Variants in SEMA3D observed in about 807,000 individuals in gnomAD.
The protein encoded by SEMA3D is semaphorin 3D, also known as semaphorin-3D.
SEMA3D carries 84 observed loss-of-function variants against 100.1 expected under a neutral mutation model. The ratio of observed to expected loss-of-function variants is 0.84; its 90% CI spans 0.70 to 1.01. The LOEUF (loss-of-function observed/expected upper bound fraction) is 1.01, where lower values mean the gene tolerates loss of function less well. Among genes scored for constraint, SEMA3D ranks in the 50% least tolerant of loss-of-function variants. SEMA3D has a pLI of 0.00. For missense variants in SEMA3D, 875 were observed against 934.1 expected, an observed-to-expected ratio of 0.94 and a Z score of 0.82; for synonymous variants, 312 against 320.7, an observed-to-expected ratio of 0.97 and a Z score of 0.29.
rs1032951949 is a variant in SEMA3D, at chr7:85,058,455, C to A, written c.719-2596G>T. Among the ~76,000 whole-genome samples the A allele has an allele frequency of 2.0e-5, 3 of 151,724 alleles. No individual in the cohort carries two copies. In the East Asian group the frequency reaches 5.8e-4, roughly 29 times the overall value. On this transcript the variant is annotated intron_variant, in intron 8 of 18. Coordinates refer to ENST00000284136, the MANE Select transcript of SEMA3D (RefSeq NM_001384900.1). Reference sequence around the variant, plus strand: ...CAGATTTTTTATTTAAACATGTTTTCTTTTAAAAAGCACCTCTTGGTGTGG... The same window carrying A: ...CAGATTTTTTATTTAAACATGTTTTATTTTAAAAAGCACCTCTTGGTGTGG...
At position 84,996,064 on chromosome 7, in the gene SEMA3D, C is replaced by T. The variant is rs1325386143; in HGVS notation, c.*3376G>A. 1 of 150,330 alleles carries T rather than the reference C, an allele frequency of 6.7e-6. No homozygotes were observed. The highest frequency in any genetic ancestry group is 2.4e-5 in the African/African-American group (1 of 40,890). The allele number at this position is 150,330 out of a possible 1,614,324, so 9.3% of individuals were successfully genotyped here. A position where few individuals can be genotyped will look rare whatever the true frequency, so the allele number is the denominator to read the frequency against. ...TGTTTTCTAAGAAAAATGTGACATT[C>T]TAAAGGGAGGCTATTTCAGTTTTGA... is the stretch of plus-strand genomic sequence containing the variant. On this transcript the variant is annotated 3_prime_UTR_variant, in exon 19 of 19. Transcript: ENST00000284136.
At chr7:85,247,389 C>G in the SEMA3D span, among the ~76,000 whole-genome samples, 1 of 151,934 alleles carries the variant, frequency 6.6e-6, no homozygotes, top group Non-Finnish European at 1.5e-5. Flanking sequence ...TGTAGAAGAA[C>G]AATAAGAGGT....
intron 1 of SEMA3D, among the ~76,000 whole-genome samples, chr7:85,169,863 G>A (rs1791037936): frequency 6.6e-6 from 1 of 151,622 alleles, no homozygotes; most frequent in Admixed American, 6.6e-5. Flanking sequence ...CAGTTCTTAA[G>A]AACTGATAGA....
chr7:85,195,743 T>A, the SEMA3D span, among the ~76,000 whole-genome samples: 3 of 152,200 alleles, frequency 2.0e-5, no homozygotes, highest in Admixed American at 6.5e-5. Flanking sequence ...ACTCTTTTTT[T>A]ATGGCATATA....
chr7:85,011,516 G>T (rs549809303), intron 17 of SEMA3D, among the ~76,000 whole-genome samples: 86 of 151,666 alleles, frequency 5.7e-4, no homozygotes, highest in African/African-American at 2.0e-3. Context: ...TACTTGTTTT[G>T]GTATTTATTG....
chr7:85,072,339 A>G (rs1383650964), intron 6 of SEMA3D, among the ~76,000 whole-genome samples: 1 of 152,214 alleles, frequency 6.6e-6, no homozygotes, highest in Non-Finnish European at 1.5e-5. Flanking sequence ...CACTTTTAAG[A>G]AAATTATTAA....
At chr7:85,114,788 T>A (rs959555066) in intron 3 of SEMA3D, among the ~76,000 whole-genome samples, 2 of 152,176 alleles carry the variant, frequency 1.3e-5, no homozygotes, top group Admixed American at 1.3e-4. Context: ...CTGAGATGAA[T>A]GAAAATTTAG....
At chr7:85,027,680 C>T (rs1790429155) in intron 12 of SEMA3D, 1 of 264,050 alleles carries the variant, frequency 3.8e-6, no homozygotes, top group Admixed American at 4.9e-5. Flanking sequence ...AGGAGGTTAG[C>T]TTAGTGTTTT....
the SEMA3D span, among the ~76,000 whole-genome samples, chr7:85,237,679 T>A: frequency 1.3e-5 from 2 of 152,212 alleles, no homozygotes; most frequent in Non-Finnish European, 2.9e-5. Context: ...TATCTATTCA[T>A]CCTATTGAAG....
At chr7:85,039,375 G>A (rs1584542606) in intron 11 of SEMA3D, among the ~76,000 whole-genome samples, 2 of 151,858 alleles carry the variant, frequency 1.3e-5, no homozygotes, top group Admixed American at 6.6e-5. Flanking sequence ...CTCCTGCCTC[G>A]GCCTCCTGAG....
At chr7:85,036,422 A>G (rs1317224049) in intron 12 of SEMA3D, among the ~76,000 whole-genome samples, 1 of 152,184 alleles carries the variant, frequency 6.6e-6, no homozygotes, top group African/African-American at 2.4e-5. Flanking sequence ...ATTCTAAGGT[A>G]CAATTAAGTG....
chr7:85,141,857 T>G, intron 2 of SEMA3D: 1 of 891,804 alleles, frequency 1.1e-6, no homozygotes, highest in Non-Finnish European at 1.3e-6. Flanking sequence ...AAGGGCCCAG[T>G]TTATAAAGCC....
At chr7:85,220,359 A>T in the SEMA3D span, among the ~76,000 whole-genome samples, 2 of 149,368 alleles carry the variant, frequency 1.3e-5, no homozygotes, top group African/African-American at 2.4e-5. Context: ...TCTCTACACA[A>T]ATTTCTATTT....
Position 85,101,335 on chromosome 7 carries a change from T to C in SEMA3D, c.152-3370A>G, listed in dbSNP as rs1487903048. On this transcript the variant is annotated intron_variant, in intron 3 of 18. Coordinates refer to ENST00000284136, the MANE Select transcript of SEMA3D (RefSeq NM_001384900.1). ...CAATCGAAATCCTTATTGTTTCAAG[T>C]GCCTATGAATAATATTCAATTATTT... is the stretch of plus-strand genomic sequence containing the variant. Among the ~76,000 whole-genome samples the C allele has an allele frequency of 2.6e-5, 4 of 152,162 alleles. No individual in the cohort carries two copies. The East Asian group carries it at 7.8e-4, about 30-fold the overall frequency.
the SEMA3D span, among the ~76,000 whole-genome samples, chr7:85,219,443 A>G: frequency 1.8e-3 from 234 of 130,240 alleles, 2 homozygotes; most frequent in African/African-American, 6.5e-3. Flanking sequence ...ACATTAATAT[A>G]AAATGAAAGA....
the SEMA3D span, among the ~76,000 whole-genome samples, chr7:85,221,984 A>G: frequency 6.6e-6 from 1 of 152,072 alleles, no homozygotes; most frequent in Non-Finnish European, 1.5e-5. Context: ...TGCAGATAAT[A>G]AAATTGCTGA....
At chr7:85,246,786 T>C in the SEMA3D span, among the ~76,000 whole-genome samples, 2 of 151,966 alleles carry the variant, frequency 1.3e-5, no homozygotes, top group Non-Finnish European at 2.9e-5. Context: ...AATTCTTTTA[T>C]TCAGGACCCA....
intron 18 of SEMA3D, 41 bp downstream of exon 18, chr7:85,006,761 A>G (rs1424121013): frequency 2.0e-6 from 3 of 1,520,242 alleles, no homozygotes; most frequent in South Asian, 1.3e-5. Flanking sequence ...ATCGTACACT[A>G]TTTCCCTCAA....
intron 1 of SEMA3D, among the ~76,000 whole-genome samples, chr7:85,155,479 T>A (rs754305676): frequency 3.3e-5 from 5 of 152,124 alleles, no homozygotes; most frequent in Non-Finnish European, 7.4e-5. Context: ...AAACCCCTTA[T>A]AACATTTAGT....
Sources: allele counts gnomAD v4.1 joint callset (sites outside exome capture counted in the v4.1 genomes callset), GRCh38; gene constraint gnomAD v4.1.1; transcripts MANE v1.5; gene names NCBI Gene and HGNC (gene_info 2026-07-23, HGNC 2026-07-21).